Variants in GRIK2 observed in about 807,000 individuals in gnomAD.
GRIK2 encodes glutamate receptor ionotropic, kainate 2.
A neutral mutation model predicts 100.3 loss-of-function variants in GRIK2; 32 were observed. That is an observed-to-expected ratio of 0.32 (90% CI 0.24 to 0.43). The LOEUF is 0.43. Ranked by LOEUF, GRIK2 falls within the 20% of genes least tolerant of loss-of-function variation. The probability of loss-of-function intolerance (pLI) is 1.00; values close to 1 mark genes in which losing one functional copy is unlikely to be tolerated. For synonymous variants in GRIK2, 417 were observed against 389.4 expected (o/e 1.07, Z -0.83); for missense variants, 843 against 1,114.9 (o/e 0.76, Z 3.47).
In GRIK2 at chr6:101,399,072, G is replaced by A; in HGVS notation, c.-206G>A. 1.9e-6 allele frequency: 1 copy of A among 516,404 alleles called. No individual in the cohort carries two copies. The highest frequency in any genetic ancestry group is 3.4e-6 in the Non-Finnish European group (1 of 290,750). 32.0% of individuals were successfully genotyped at this position (516,404 alleles called of 1,614,324 possible). A position where few individuals can be genotyped will look rare whatever the true frequency, so the allele number is the denominator to read the frequency against. ...CATGGATGTCCCACCATTCCTTGCA[G>A]TGGAAGGTTGTTCCTTGGCGCAGTG... On this transcript the variant is annotated 5_prime_UTR_variant, in exon 2 of 17. The change creates a new upstream start codon in the 5' untranslated region. Coordinates refer to ENST00000369134, the MANE Select transcript of GRIK2 (RefSeq NM_021956.5).
At chr6:101,934,998 A>G (rs770174717) in intron 14 of GRIK2, among the ~76,000 whole-genome samples, 2 of 152,030 alleles carry the variant, frequency 1.3e-5, no homozygotes, top group African/African-American at 2.4e-5. Context: ...CTTATTCTTT[A>G]AATGTTTTTC....
chr6:101,500,108 G>A (rs886736739), intron 2 of GRIK2, among the ~76,000 whole-genome samples: 2 of 152,042 alleles, frequency 1.3e-5, no homozygotes, highest in African/African-American at 4.8e-5. Context: ...TTTGACACAG[G>A]AGTTAATTTA....
At chr6:101,412,482 A>G (rs1181064945) in intron 2 of GRIK2, among the ~76,000 whole-genome samples, 2 of 152,076 alleles carry the variant, frequency 1.3e-5, no homozygotes, top group Non-Finnish European at 2.9e-5. Context: ...TAGAGATTCC[A>G]AAGTATTAAT....
intron 10 of GRIK2, among the ~76,000 whole-genome samples, chr6:101,827,737 A>T (rs915528472): frequency 6.6e-6 from 1 of 151,950 alleles, no homozygotes; most frequent in African/African-American, 2.4e-5. Flanking sequence ...AAGATTTACT[A>T]CTCTAAATGC....
intron 11 of GRIK2, among the ~76,000 whole-genome samples, chr6:101,875,821 C>T (rs4120910): frequency 0.12 from 17,995 of 151,916 alleles, 2,017 homozygotes; most frequent in East Asian, 0.52. Flanking sequence ...GAAGCTTAGA[C>T]TGATCAACCA....
intron 2 of GRIK2, among the ~76,000 whole-genome samples, chr6:101,494,674 T>C (rs1288487088): frequency 6.6e-6 from 1 of 151,748 alleles, no homozygotes; most frequent in East Asian, 1.9e-4. Flanking sequence ...CTCATGCCTG[T>C]AATCCCAGCA....
intron 7 of GRIK2, among the ~76,000 whole-genome samples, chr6:101,753,303 GAAAAT>G (rs1407807716): frequency 2.3e-5 from 3 of 132,456 alleles, no homozygotes; most frequent in Non-Finnish European, 4.9e-5. Flanking sequence ...AAAAAAAAAA[GAAAAT>G]AACACGATCA....
intron 2 of GRIK2, among the ~76,000 whole-genome samples, chr6:101,436,781 G>GTTT (rs976574772): frequency 2.7e-5 from 4 of 150,790 alleles, no homozygotes; most frequent in Non-Finnish European, 5.9e-5. Flanking sequence ...ATGATTTAAA[G>GTTT]TTTATTATTA....
chr6:101,723,876 T>C (rs752926491), intron 7 of GRIK2, among the ~76,000 whole-genome samples: 1 of 152,048 alleles, frequency 6.6e-6, no homozygotes, highest in East Asian at 1.9e-4. Context: ...TGTTAACATA[T>C]GTTGGGATAA....
rs188438303 is a variant in GRIK2 at position 101,937,818 on chromosome 6, C to A, written c.2085+9186C>A. On this transcript the variant is annotated intron_variant, in intron 14 of 16. Coordinates refer to ENST00000369134, the MANE Select transcript of GRIK2 (RefSeq NM_021956.5). The stretch of plus-strand genomic sequence containing the variant: ...TCTGACTTTTGAGTATCAGCAAAGA[C>A]ATATTGTTCTCATTTCTTAGATAGC... 1.1e-3 allele frequency among the ~76,000 whole-genome samples: 174 copies of A among 152,132 alleles called. 1 individual carries two copies. Among genetic ancestry groups the A allele is most frequent in the African/African-American group, 4.1e-3 (171 of 41,528 alleles).
chr6:101,584,446 TA>T (rs1778255024), intron 2 of GRIK2, among the ~76,000 whole-genome samples: 1 of 152,108 alleles, frequency 6.6e-6, no homozygotes, highest in African/African-American at 2.4e-5. Flanking sequence ...ATAATAAGAC[TA>T]AAAAAGTCTG....
chr6:101,531,078 A>G (rs1775416943), intron 2 of GRIK2, among the ~76,000 whole-genome samples: 1 of 152,012 alleles, frequency 6.6e-6, no homozygotes, highest in Non-Finnish European at 1.5e-5. Context: ...GCAATTTATC[A>G]AAAGTTATAC....
intron 2 of GRIK2, among the ~76,000 whole-genome samples, chr6:101,607,547 T>C (rs541349694): frequency 1.3e-5 from 2 of 152,146 alleles, no homozygotes; most frequent in East Asian, 3.9e-4. Context: ...TGTTCTCACA[T>C]GGGTGCTCCC....
intron 11 of GRIK2, among the ~76,000 whole-genome samples, chr6:101,876,060 T>G (rs1364149859): frequency 6.6e-6 from 1 of 151,470 alleles, no homozygotes; most frequent in Non-Finnish European, 1.5e-5. Flanking sequence ...GGATCAACAT[T>G]ACAAATAAAA....
chr6:101,710,095 G>C (rs1415818457), intron 7 of GRIK2, among the ~76,000 whole-genome samples: 1 of 151,830 alleles, frequency 6.6e-6, no homozygotes, highest in Non-Finnish European at 1.5e-5. Flanking sequence ...GAGATACTTG[G>C]TCTTAGGTTG....
intron 10 of GRIK2, among the ~76,000 whole-genome samples, chr6:101,829,677 A>T (rs754158410): frequency 1.3e-5 from 2 of 151,948 alleles, no homozygotes; most frequent in African/African-American, 4.8e-5. Flanking sequence ...CTAGGAATAC[A>T]CCTAATTAAA....
intron 2 of GRIK2, among the ~76,000 whole-genome samples, chr6:101,422,447 AC>A (rs1776454455): frequency 6.6e-6 from 1 of 152,128 alleles, no homozygotes; most frequent in African/African-American, 2.4e-5. Flanking sequence ...ACAGCACTTA[AC>A]AAAGGCTGCG....
At chr6:101,617,737 G>A (rs1779962212) in intron 2 of GRIK2, among the ~76,000 whole-genome samples, 2 of 150,952 alleles carry the variant, frequency 1.3e-5, no homozygotes, top group South Asian at 4.2e-4. Context: ...CTTATCTTTT[G>A]GGGAATGCTT....
chr6:101,776,658 CAT>C (rs1778765918), intron 7 of GRIK2, among the ~76,000 whole-genome samples: 1 of 152,126 alleles, frequency 6.6e-6, no homozygotes, highest in Non-Finnish European at 1.5e-5. Context: ...AAATACAAGA[CAT>C]TATAATATTT....
Sources: allele counts gnomAD v4.1 joint callset (sites outside exome capture counted in the v4.1 genomes callset), GRCh38; gene constraint gnomAD v4.1.1; transcripts MANE v1.5; gene names NCBI Gene and HGNC (gene_info 2026-07-23, HGNC 2026-07-21).